Variants in AUTS2 observed in about 807,000 individuals in gnomAD.
AUTS2 encodes the protein activator of transcription and developmental regulator AUTS2.
AUTS2 carries 17 observed loss-of-function variants against 112.4 expected under a neutral mutation model. The ratio of observed to expected loss-of-function variants is 0.15; its 90% CI spans 0.10 to 0.23. The LOEUF is 0.23. AUTS2 is among the 10% of genes least tolerant of loss of function. The pLI, the probability that AUTS2 is intolerant of heterozygous loss-of-function variation, is 1.00. For missense variants in AUTS2, 1,510 were observed against 1,701.6 expected (o/e 0.89, Z 1.98); for synonymous variants, 751 against 702.7 (o/e 1.07, Z -1.09).
chr7:70,508,170 A>G (rs1418403231), intron 5 of AUTS2, among the ~76,000 whole-genome samples: 1 of 152,054 alleles, frequency 6.6e-6, no homozygotes, highest in Admixed American at 6.5e-5. Flanking sequence ...TGTTGTTGTT[A>G]TGTCTAAATC....
chr7:69,708,868 C>A (rs1798180835), intron 1 of AUTS2, among the ~76,000 whole-genome samples: 1 of 152,100 alleles, frequency 6.6e-6, no homozygotes, highest in African/African-American at 2.4e-5. Context: ...ACAACCAGTC[C>A]TACATTGAGT....
intron 5 of AUTS2, among the ~76,000 whole-genome samples, chr7:70,540,015 T>G (rs1257426512): frequency 6.6e-6 from 1 of 152,232 alleles, no homozygotes; most frequent in Non-Finnish European, 1.5e-5. Flanking sequence ...TTTTGTGGTG[T>G]TGAAGGTTTC....
chr7:70,765,658 G>A (rs1789891737), intron 8 of AUTS2, among the ~76,000 whole-genome samples: 1 of 152,192 alleles, frequency 6.6e-6, no homozygotes, highest in African/African-American at 2.4e-5. Flanking sequence ...GTGAACAGCT[G>A]ACATTTATTA....
At chr7:70,684,797 G>A (rs558148007) in intron 5 of AUTS2, among the ~76,000 whole-genome samples, 1 of 152,242 alleles carries the variant, frequency 6.6e-6, no homozygotes, top group Non-Finnish European at 1.5e-5. Context: ...TTACACTCCT[G>A]TATCCATTTC....
intron 2 of AUTS2, among the ~76,000 whole-genome samples, chr7:69,946,895 C>T (rs1209531443): frequency 6.6e-6 from 1 of 152,144 alleles, no homozygotes; most frequent in Non-Finnish European, 1.5e-5. Context: ...ATCAGCCGCC[C>T]CTCTTGCCTT....
intron 1 of AUTS2, among the ~76,000 whole-genome samples, chr7:69,607,615 A>C (rs575122076): frequency 6.6e-6 from 1 of 152,330 alleles, no homozygotes; most frequent in African/African-American, 2.4e-5. Context: ...TGTTTGCCAG[A>C]GCAAACCTTA....
chr7:70,027,676 AT>A (rs1292181165), intron 2 of AUTS2, among the ~76,000 whole-genome samples: 2 of 152,236 alleles, frequency 1.3e-5, no homozygotes, highest in African/African-American at 4.8e-5. Flanking sequence ...TAATGCATAC[AT>A]TTCTATTGAC....
chr7:70,666,143 C>T (rs1222633514), intron 5 of AUTS2, among the ~76,000 whole-genome samples: 1 of 152,172 alleles, frequency 6.6e-6, no homozygotes, highest in East Asian at 1.9e-4. Flanking sequence ...TGGACTCACC[C>T]CTTATTGGCT....
rs1794872455 is a variant in AUTS2, at chr7:69,899,282, A to G, written c.310-4A>G. ...CTTCCCTTTCCTTCTCTTCTTTTCT[A>G]CAGAAAGATGTAGCACTTAAGCCTC... On this transcript the variant is annotated splice_region_variant and splice_polypyrimidine_tract_variant and intron_variant, in intron 1 of 18. Coordinates refer to ENST00000342771, the MANE Select transcript of AUTS2 (RefSeq NM_015570.4). 1 of 1,609,380 alleles carries G rather than the reference A, an allele frequency of 6.2e-7. No individual in the cohort carries two copies. The highest frequency in any genetic ancestry group is 8.5e-7 in the Non-Finnish European group (1 of 1,176,054).
intron 5 of AUTS2, among the ~76,000 whole-genome samples, chr7:70,614,440 A>G (rs945640453): frequency 6.6e-6 from 1 of 152,194 alleles, no homozygotes; most frequent in African/African-American, 2.4e-5. Context: ...TCTGTAATTT[A>G]TTGGACTCTA....
intron 5 of AUTS2, among the ~76,000 whole-genome samples, chr7:70,461,076 C>G (rs1796942890): frequency 6.6e-6 from 1 of 152,090 alleles, no homozygotes; most frequent in Non-Finnish European, 1.5e-5. Flanking sequence ...TTAGTTGAAG[C>G]TTTGGTTTAG....
In AUTS2 at chr7:70,790,725, T is replaced by C; in HGVS notation, c.3509T>C (p.Val1170Ala). The C allele has an allele frequency of 4.3e-6, 7 of 1,613,546 alleles. No individual in the cohort carries two copies. The highest frequency in any genetic ancestry group is 5.9e-6 in the Non-Finnish European group (7 of 1,179,964). ...TACGAGCACACGCGGCTCCACTCCG[T>C]GCACCCCGCCTCCCTCGACGGACAC... Reference protein sequence around the residue: ...EDYEHTRLHSVHPASLDGHLP... With the variant: ...EDYEHTRLHSAHPASLDGHLP... Residue 1170 changes from valine (V) to alanine (A), a missense_variant, in exon 19 of 19, where the codon GTG becomes GCG. Transcript: ENST00000342771. The surrounding 1 kb of genome is among the most constrained non-coding windows in gnomAD (Gnocchi z 7.6).
At position 70,774,054 on chromosome 7, in the gene AUTS2, T is replaced by C; in HGVS notation, c.1857T>C (p.Ala619=). Residue 619 remains alanine (A), a synonymous_variant, in exon 12 of 19, where the codon GCT becomes GCC. Transcript: ENST00000342771. The part of the protein sequence containing the change: ...PKTSNPIDVA[A]RPGTVPHTLL... ...CATCCAACCCTATCGATGTCGCTGC[T>C]CGGCCTGGGACAGTCCCACACACTT... The C allele has an allele frequency of 6.2e-7, 1 of 1,614,206 alleles. No individual in the cohort carries two copies.
chr7:69,709,753 T>G (rs781588993), intron 1 of AUTS2, among the ~76,000 whole-genome samples: 5 of 152,184 alleles, frequency 3.3e-5, no homozygotes, highest in African/African-American at 4.8e-5. Context: ...AAACCGGAAC[T>G]GTAACCTTTA....
intron 2 of AUTS2, among the ~76,000 whole-genome samples, chr7:69,921,762 TAAAAAAAA>T (rs35008506): frequency 3.8e-4 from 38 of 100,554 alleles, no homozygotes; most frequent in African/African-American, 1.5e-3. Flanking sequence ...ACTCTGTCTT[TAAAAAAAA>T]AAAAAAAAAA....
chr7:69,897,717 G>C (rs1043965740), intron 1 of AUTS2, among the ~76,000 whole-genome samples: 1 of 152,074 alleles, frequency 6.6e-6, no homozygotes, highest in Admixed American at 6.6e-5. Flanking sequence ...AGGTCGTGCT[G>C]TTGCACTCCA....
Position 69,723,631 on chromosome 7 carries a change from T to G in AUTS2, c.309+123669T>G, listed in dbSNP as rs560408441. Among the ~76,000 whole-genome samples the G allele has an allele frequency of 3.3e-5, 5 of 152,324 alleles. No homozygotes were observed. The East Asian group carries it at 9.7e-4, about 29-fold the overall frequency. ...TATTATGGATTCTCTGACTGTTAGC[T>G]GTTTTATTCCTGATTTTCTCATAGC... is the stretch of plus-strand genomic sequence containing the variant. On this transcript the variant is annotated intron_variant, in intron 1 of 18. Transcript: ENST00000342771.
intron 2 of AUTS2, among the ~76,000 whole-genome samples, chr7:70,003,216 T>A (rs1487196123): frequency 3.0e-5 from 4 of 134,084 alleles, no homozygotes; most frequent in African/African-American, 8.4e-5. Context: ...ATGAATATAT[T>A]ATATATGAAT....
intron 2 of AUTS2, among the ~76,000 whole-genome samples, chr7:69,954,530 A>C (rs1222234674): frequency 6.6e-6 from 1 of 152,206 alleles, no homozygotes; most frequent in Non-Finnish European, 1.5e-5. Flanking sequence ...TGTAGGCTCG[A>C]ACTCCTGGGC....
Sources: allele counts gnomAD v4.1 joint callset (sites outside exome capture counted in the v4.1 genomes callset), GRCh38; gene constraint gnomAD v4.1.1; non-coding constraint Gnocchi (gnomAD v3.1); transcripts MANE v1.5; gene names NCBI Gene and HGNC (gene_info 2026-07-23, HGNC 2026-07-21).